DPYD: variants seen among roughly 807,000 people sequenced by gnomAD.
The protein encoded by DPYD is dihydropyrimidine dehydrogenase.
A neutral mutation model predicts 116.2 loss-of-function variants in DPYD; 109 were observed. That is an observed-to-expected ratio of 0.94 (90% CI 0.80 to 1.10). The LOEUF is 1.10. DPYD is among the 50% of genes least tolerant of loss of function. The pLI is 0.00. For missense variants in DPYD, 1,302 were observed against 1,254.5 expected, an observed-to-expected ratio of 1.04 and a Z score of -0.57; for synonymous variants, 440 against 432.0, an observed-to-expected ratio of 1.02 and a Z score of -0.23.
At chr1:97,227,215 T>C (rs1401290116) in intron 19 of DPYD, among the ~76,000 whole-genome samples, 1 of 150,858 alleles carries the variant, frequency 6.6e-6, no homozygotes, top group African/African-American at 2.4e-5. Flanking sequence ...ATCCCAGCTC[T>C]ACTCGGGAGG....
chr1:97,259,756 A>G lies in DPYD; in HGVS notation c.2300-24762T>C, dbSNP rs188438584. ...GTAACATCACAAATTTTGATTACAT[A>G]CAACAAGAATTTCATTTCTTGCTTT... On this transcript the variant is annotated intron_variant, in intron 18 of 22. Transcript: ENST00000370192. Among the ~76,000 whole-genome samples, 5 of 152,284 alleles carry G rather than the reference A, an allele frequency of 3.3e-5. No homozygotes were observed. The East Asian group carries it at 9.7e-4, about 29-fold the overall frequency.
chr1:97,607,789 A>G (rs1193095962), intron 8 of DPYD, among the ~76,000 whole-genome samples: 1 of 151,978 alleles, frequency 6.6e-6, no homozygotes, highest in Non-Finnish European at 1.5e-5. Context: ...AAAATTTAAA[A>G]CATTATACAG....
At chr1:97,265,899 T>C (rs1202245345) in intron 18 of DPYD, among the ~76,000 whole-genome samples, 1 of 152,192 alleles carries the variant, frequency 6.6e-6, no homozygotes, top group Non-Finnish European at 1.5e-5. Context: ...TTGGTCTAAA[T>C]TTGATTCCTT....
At chr1:97,084,571 A>C (rs1649382338) in intron 21 of DPYD, among the ~76,000 whole-genome samples, 1 of 152,070 alleles carries the variant, frequency 6.6e-6, no homozygotes, top group African/African-American at 2.4e-5. Context: ...AGTTCTTAAT[A>C]TATTTCAGGC....
In DPYD at chr1:97,765,902, A is replaced by T. The variant is rs575291236; in HGVS notation, c.234-25423T>A. On this transcript the variant is annotated intron_variant, in intron 3 of 22. Coordinates refer to ENST00000370192, the MANE Select transcript of DPYD (RefSeq NM_000110.4). Reference sequence around the variant, plus strand: ...TTATCAAAGGCTGAATAATGAAATGATCATGTGTGCTGGAAGAATGGTGAC... The same window carrying T: ...TTATCAAAGGCTGAATAATGAAATGTTCATGTGTGCTGGAAGAATGGTGAC... Among the ~76,000 whole-genome samples the T allele has an allele frequency of 1.2e-3, 185 of 152,306 alleles. No individual in the cohort carries two copies. The Middle Eastern group carries it at 0.024, about 20-fold the overall frequency.
At chr1:97,651,492 A>G (rs1571130690) in intron 8 of DPYD, among the ~76,000 whole-genome samples, 1 of 152,138 alleles carries the variant, frequency 6.6e-6, no homozygotes, top group Non-Finnish European at 1.5e-5. Context: ...ACCCGCTGCA[A>G]GGCTGCCGTT....
At chr1:97,739,396 C>T (rs968204027) in intron 4 of DPYD, among the ~76,000 whole-genome samples, 1 of 152,038 alleles carries the variant, frequency 6.6e-6, no homozygotes, top group South Asian at 2.1e-4. Context: ...AGCGGTTTAT[C>T]TAAAAATTCA....
intron 14 of DPYD, among the ~76,000 whole-genome samples, chr1:97,413,768 C>T (rs1358334829): frequency 2.6e-5 from 4 of 152,080 alleles, no homozygotes. Context: ...TTTTGTCTTT[C>T]AATTTCTCCC....
chr1:97,835,698 G>T (rs1669736041), intron 2 of DPYD, among the ~76,000 whole-genome samples: 2 of 151,874 alleles, frequency 1.3e-5, no homozygotes, highest in South Asian at 2.1e-4. Context: ...AGTCTCATAT[G>T]GTTTACATGA....
intron 20 of DPYD, among the ~76,000 whole-genome samples, chr1:97,167,545 T>G (rs546436716): frequency 2.8e-4 from 43 of 152,170 alleles, no homozygotes; most frequent in Admixed American, 5.2e-4. Flanking sequence ...TGCACTAACG[T>G]GGATGAATTG....
rs543288624 is a variant in DPYD at position 97,402,731 on chromosome 1, A to G, written c.1906-20270T>C. Among the ~76,000 whole-genome samples the G allele has an allele frequency of 7.2e-5, 11 of 152,154 alleles. No individual in the cohort carries two copies. In the East Asian group the frequency reaches 2.1e-3, roughly 29 times the overall value. Reference sequence around the variant, plus strand: ...TTCTAATTTCTCACCATTAAATGTGATATTAGCTGAAGGTATTTTATAGAT... The same window carrying G: ...TTCTAATTTCTCACCATTAAATGTGGTATTAGCTGAAGGTATTTTATAGAT... On this transcript the variant is annotated intron_variant, in intron 14 of 22. Transcript: ENST00000370192.
intron 12 of DPYD, among the ~76,000 whole-genome samples, chr1:97,519,861 C>G (rs1648510144): frequency 6.6e-6 from 1 of 152,102 alleles, no homozygotes; most frequent in South Asian, 2.1e-4. Flanking sequence ...TCTTTCTTCT[C>G]CATCTGCTGA....
intron 8 of DPYD, among the ~76,000 whole-genome samples, chr1:97,651,205 C>T (rs1304424742): frequency 6.6e-6 from 1 of 152,098 alleles, no homozygotes; most frequent in African/African-American, 2.4e-5. Flanking sequence ...GTTTAACCCA[C>T]ATTTATGTCT....
intron 12 of DPYD, among the ~76,000 whole-genome samples, chr1:97,533,480 G>A (rs552358332): frequency 6.6e-6 from 1 of 152,200 alleles, no homozygotes; most frequent in Admixed American, 6.5e-5. Context: ...ACAGGCCCCG[G>A]GGCAAAGGTG....
intron 15 of DPYD, among the ~76,000 whole-genome samples, chr1:97,374,475 C>G (rs2101522399): frequency 6.6e-6 from 1 of 152,020 alleles, no homozygotes; most frequent in African/African-American, 2.4e-5. Flanking sequence ...AATCCCAGCA[C>G]TTTGGGAGGC....
Position 97,193,092 on chromosome 1 carries a change from G to A in DPYD, c.2599C>T (p.Arg867Cys), listed in dbSNP as rs557220418. 36 of 1,613,976 alleles carry A rather than the reference G, an allele frequency of 2.2e-5. No individual in the cohort carries two copies. The highest frequency in any genetic ancestry group is 8.9e-5 in the East Asian group (4 of 44,832). ...ACCTTGTCCATGAGTTCAGCTATAC[G>A]TGGAACTGGTTTCCCTTTCTGGTGA... is the stretch of plus-strand genomic sequence containing the variant. ...VSHQKGKPVP[R>C]IAELMDKKLP... Residue 867 changes from arginine (R) to cysteine (C), a missense_variant, in exon 20 of 23, where the codon CGT (arginine) becomes TGT (cysteine). Transcript: ENST00000370192.
chr1:97,690,547 G>A (rs1045840709), intron 7 of DPYD, among the ~76,000 whole-genome samples: 1 of 151,890 alleles, frequency 6.6e-6, no homozygotes, highest in Non-Finnish European at 1.5e-5. Flanking sequence ...CATTTCCCAT[G>A]TCTTTGTGTT....
chr1:97,757,933 C>T (rs1297641944), intron 3 of DPYD, among the ~76,000 whole-genome samples: 3 of 152,096 alleles, frequency 2.0e-5, no homozygotes, highest in Non-Finnish European at 4.4e-5. Context: ...GGCAGCTTGG[C>T]GCTAACCATT....
At chr1:97,326,708 T>C (rs570880886) in intron 16 of DPYD, among the ~76,000 whole-genome samples, 4 of 151,976 alleles carry the variant, frequency 2.6e-5, no homozygotes, top group Admixed American at 2.6e-4. Flanking sequence ...TGGCAACTTA[T>C]GGGAATGTAG....
Sources: gnomAD v4.1 joint callset for allele counts (sites outside exome capture counted in the v4.1 genomes callset) on GRCh38, gnomAD v4.1.1 for gene constraint, MANE v1.5 for transcripts, NCBI Gene and HGNC (gene_info 2026-07-23, HGNC 2026-07-21) for gene names.